The following MRPL13 variants were observed in gnomAD, a reference collection of about 807,000 sequenced individuals.
The protein encoded by MRPL13 is mitochondrial ribosomal protein L13.
Under a neutral mutation model 29.0 loss-of-function variants are expected in MRPL13, and 33 were observed. The ratio of observed to expected loss-of-function variants is 1.14; its 90% CI spans 0.86 to 1.52. The LOEUF (loss-of-function observed/expected upper bound fraction) is 1.52, where lower values mean the gene tolerates loss of function less well. MRPL13 is among the 40% of genes most tolerant of loss of function. The probability of loss-of-function intolerance (pLI) is 0.00; values close to 1 mark genes in which losing one functional copy is unlikely to be tolerated. For synonymous variants in MRPL13, 77 were observed against 68.4 expected (o/e 1.13, Z -0.62); for missense variants, 227 against 216.7 (o/e 1.05, Z -0.30).
chr8:120,423,894 A>C (rs1812901741), intron 4 of MRPL13, among the ~76,000 whole-genome samples: 1 of 152,168 alleles, frequency 6.6e-6, no homozygotes, highest in Non-Finnish European at 1.5e-5. Flanking sequence ...CTGAACAAAG[A>C]AAGCTTGTAG....
chr8:120,401,500 C>A (rs866062393), intron 6 of MRPL13, among the ~76,000 whole-genome samples: 2 of 152,080 alleles, frequency 1.3e-5, no homozygotes, highest in Non-Finnish European at 2.9e-5. Flanking sequence ...AAGGAACATG[C>A]CTCAAAATAG....
In MRPL13 at chr8:120,443,392, A is replaced by G. The variant is rs2130490854; in HGVS notation, c.28-84T>C. 4.3e-6 allele frequency: 5 copies of G among 1,170,876 alleles called. No homozygotes were observed. In the East Asian group the frequency reaches 1.2e-4, roughly 27 times the overall value. The allele number at this position is 1,170,876 out of a possible 1,614,324, so 72.5% of individuals were successfully genotyped here. On this transcript the variant is annotated intron_variant, in intron 1 of 6. Coordinates refer to ENST00000306185, the MANE Select transcript of MRPL13 (RefSeq NM_014078.6). The stretch of plus-strand genomic sequence containing the variant: ...TGGAAATACAGTAATTAAATTTATT[A>G]TCATATATCATCACGTTTCTACAAT...
At chr8:120,444,259 C>T (rs1813170343) in intron 1 of MRPL13, among the ~76,000 whole-genome samples, 1 of 152,076 alleles carries the variant, frequency 6.6e-6, no homozygotes, top group African/African-American at 2.4e-5. Context: ...CACAGACAGG[C>T]AACAAACAGC....
chr8:120,417,342 A>G (rs1812815760), intron 5 of MRPL13, among the ~76,000 whole-genome samples: 1 of 152,186 alleles, frequency 6.6e-6, no homozygotes, highest in South Asian at 2.1e-4. Context: ...CCCTTTACAA[A>G]TAATAAATAC....
chr8:120,420,758 G>C (rs1312794194), intron 4 of MRPL13, among the ~76,000 whole-genome samples: 6 of 151,698 alleles, frequency 4.0e-5, no homozygotes, highest in Non-Finnish European at 8.9e-5. Flanking sequence ...GGATAAGCAA[G>C]TAATTATATC....
At chr8:120,432,990 A>G (rs910904569) in intron 2 of MRPL13, among the ~76,000 whole-genome samples, 2 of 152,096 alleles carry the variant, frequency 1.3e-5, no homozygotes, top group African/African-American at 4.8e-5. Flanking sequence ...AAAACTAAAG[A>G]TTATAAGATT....
intron 2 of MRPL13, among the ~76,000 whole-genome samples, chr8:120,441,968 A>G (rs537746171): frequency 1.8e-4 from 28 of 152,312 alleles, no homozygotes; most frequent in African/African-American, 6.5e-4. Flanking sequence ...CTATTCTTTG[A>G]CCTTTTCTGA....
In MRPL13 at chr8:120,419,572, G is replaced by A. The variant is rs369576161; in HGVS notation, c.393+280C>T. The A allele has an allele frequency of 6.6e-4, 129 of 194,720 alleles. 1 individual carries two copies. The highest frequency in any genetic ancestry group is 2.8e-3 in the African/African-American group (121 of 42,728). 12.1% of individuals were successfully genotyped at this position (194,720 alleles called of 1,614,324 possible). A position where few individuals can be genotyped will look rare whatever the true frequency, so the allele number is the denominator to read the frequency against. On this transcript the variant is annotated intron_variant, in intron 5 of 6. Transcript: ENST00000306185. ...ATCAACAAGTACCTCAATTTAACAG[G>A]GTTTCTGATCATAGCTCCTTGTTCA... is the stretch of plus-strand genomic sequence containing the variant.
rs1317631771 is a variant in MRPL13, at chr8:120,421,082, G to C, written c.307-1144C>G. The stretch of plus-strand genomic sequence containing the variant: ...GTATAAGTTTTAAGAAATTCAGAAA[G>C]TAAAAAAAATAGAATAAGATAAAGT... On this transcript the variant is annotated intron_variant, in intron 4 of 6. Transcript: ENST00000306185. Among the ~76,000 whole-genome samples the C allele has an allele frequency of 3.3e-5, 5 of 151,758 alleles. No homozygotes were observed. In the East Asian group the frequency reaches 9.7e-4, roughly 29 times the overall value.
intron 2 of MRPL13, among the ~76,000 whole-genome samples, chr8:120,440,044 T>C (rs1206577342): frequency 6.6e-6 from 1 of 152,224 alleles, no homozygotes; most frequent in Admixed American, 6.5e-5. Context: ...GATACAGCTG[T>C]GTACAAAACC....
rs560017179 is a variant in MRPL13, at chr8:120,408,302, C to G, written c.515+5689G>C. ...TTAAAATGAACAGAAATTGCCATTA[C>G]ATTCAACTGCACTTTTTTAGTCAAA... On this transcript the variant is annotated intron_variant, in intron 6 of 6. Coordinates refer to ENST00000306185, the MANE Select transcript of MRPL13 (RefSeq NM_014078.6). Among the ~76,000 whole-genome samples the G allele has an allele frequency of 2.6e-5, 4 of 152,290 alleles. No individual in the cohort carries two copies. The South Asian group carries it at 8.3e-4, about 32-fold the overall frequency.
chr8:120,427,661 C>T (rs1433452316), intron 3 of MRPL13, among the ~76,000 whole-genome samples: 1 of 151,958 alleles, frequency 6.6e-6, no homozygotes, highest in Admixed American at 6.6e-5. Flanking sequence ...CAAACTACTG[C>T]CCAAAGAAAC....
rs746099133 is a variant in MRPL13, at chr8:120,432,059, C to G, written c.216G>C (p.Trp72Cys). The change falls in exon 3 of 7, where the codon TGG becomes TGC. Residue 72 changes from tryptophan (W) to cysteine (C), a missense_variant. Coordinates refer to ENST00000306185, the MANE Select transcript of MRPL13 (RefSeq NM_014078.6). ...TRHIAFSGNK[W>C]EQKVYSSHTG... ...TATGCGAAGAGTATACTTTTTGTTC[C>G]CATTTGTTTCCAGAAAATGCAATGT... 1.6e-5 allele frequency: 25 copies of G among 1,608,172 alleles called. No individual in the cohort carries two copies. The highest frequency in any genetic ancestry group is 2.1e-5 in the Non-Finnish European group (25 of 1,177,176).
rs778366336 is a variant in MRPL13, at chr8:120,396,107, T to C, written c.534A>G (p.Leu178=). ...ATTTTCTGCAATTCTTATTCTCTTA[T>C]AGCCGATAATCTTCAGGTCTGAAAG... The part of the protein sequence containing the change: ...RLWTPPEDYR[L] Residue 178 remains leucine (L), a synonymous_variant, in exon 7 of 7, where the codon CTA becomes CTG. Coordinates refer to ENST00000306185, the MANE Select transcript of MRPL13 (RefSeq NM_014078.6). The C allele has an allele frequency of 2.5e-6, 4 of 1,586,660 alleles. No homozygotes were observed. The highest frequency in any genetic ancestry group is 3.4e-6 in the Non-Finnish European group (4 of 1,161,752).
chr8:120,401,452 T>C (rs773251061), intron 6 of MRPL13, among the ~76,000 whole-genome samples: 1 of 152,134 alleles, frequency 6.6e-6, no homozygotes, highest in African/African-American at 2.4e-5. Flanking sequence ...AAATTCAACA[T>C]CCTTTCATGT....
intron 3 of MRPL13, among the ~76,000 whole-genome samples, chr8:120,427,543 G>A (rs529075911): frequency 1.3e-5 from 2 of 152,146 alleles, no homozygotes; most frequent in South Asian, 2.1e-4. Context: ...ACAGTCAAGC[G>A]GAGAGTCAAA....
chr8:120,431,030 C>T (rs76735230), intron 3 of MRPL13, among the ~76,000 whole-genome samples: 2,896 of 152,112 alleles, frequency 0.019, 92 homozygotes, highest in African/African-American at 0.067. Context: ...TTACTAAAGA[C>T]GGATGTAAAT....
chr8:120,404,613 T>A, intron 6 of MRPL13, among the ~76,000 whole-genome samples: 1 of 152,248 alleles, frequency 6.6e-6, no homozygotes, highest in East Asian at 1.9e-4. Context: ...CTAATCATAC[T>A]GGCTCTTCCT....
At position 120,443,279 on chromosome 8, in the gene MRPL13, A is replaced by C; in HGVS notation, c.57T>G (p.Tyr19Ter). The C allele has an allele frequency of 6.2e-7, 1 of 1,602,412 alleles. No individual in the cohort carries two copies. Among genetic ancestry groups the C allele is most frequent in the Non-Finnish European group, 8.5e-7 (1 of 1,174,968 alleles). The change falls in exon 2 of 7, where the codon TAT (tyrosine) becomes TAG (stop). Residue 19 changes from tyrosine to a stop codon, truncating the protein, a stop_gained. Transcript: ENST00000306185. LOFTEE classifies it high-confidence loss of function. ...GTGGCTGCATTTTCCCATCTAAGAGATACCATATTCTAGCAAAAGTGGCCC... is the reference window on the plus strand; with the variant it reads ...GTGGCTGCATTTTCCCATCTAAGAGCTACCATATTCTAGCAAAAGTGGCCC... ...QQWATFARIW[Y>*]LLDGKMQPPG...
Sources: gnomAD v4.1 joint callset for allele counts (sites outside exome capture counted in the v4.1 genomes callset) on GRCh38, gnomAD v4.1.1 for gene constraint, MANE v1.5 for transcripts, NCBI Gene and HGNC (gene_info 2026-07-23, HGNC 2026-07-21) for gene names.